Variants in FHIT observed in about 807,000 individuals in gnomAD.
FHIT encodes fragile histidine triad diadenosine triphosphatase.
Under a neutral mutation model 17.9 loss-of-function variants are expected in FHIT, and 19 were observed. The ratio of observed to expected loss-of-function variants is 1.06; its 90% CI spans 0.74 to 1.56. FHIT has a LOEUF of 1.56. FHIT is among the 40% of genes most tolerant of loss of function. The pLI is 0.00. For synonymous variants in FHIT, 81 were observed against 69.7 expected, an observed-to-expected ratio of 1.16 and a Z score of -0.81; for missense variants, 248 against 189.2, an observed-to-expected ratio of 1.31 and a Z score of -1.82.
intron 5 of FHIT, among the ~76,000 whole-genome samples, chr3:60,414,304 C>G (rs943648423): frequency 6.6e-6 from 1 of 152,164 alleles, no homozygotes; most frequent in African/African-American, 2.4e-5. Flanking sequence ...TGTCACCGAA[C>G]TAGGAAGCAC....
At position 60,967,691 on chromosome 3, in the gene FHIT, G is replaced by GTTTTTTGATTTATGAAA. The variant is rs1709813365; in HGVS notation, c.-111+74355_-111+74356insTTTCATAAATCAAAAAA. 5.3e-5 allele frequency among the ~76,000 whole-genome samples: 8 copies of GTTTTTTGATTTATGAAA among 152,220 alleles called. 1 individual carries two copies. The highest frequency in any genetic ancestry group is 1.9e-4 in the African/African-American group (8 of 41,538). The stretch of plus-strand genomic sequence containing the variant: ...AAAAAAGAGCAGATATGAAAAACAA[G>GTTTTTTGATTTATGAAA]ATCAATAAAATAGTTTCACTGTTTA... On this transcript the variant is annotated intron_variant, in intron 3 of 9. Coordinates refer to ENST00000492590, the MANE Select transcript of FHIT (RefSeq NM_002012.4).
At chr3:60,112,422 A>G (rs764433386) in intron 5 of FHIT, among the ~76,000 whole-genome samples, 1 of 152,196 alleles carries the variant, frequency 6.6e-6, no homozygotes, top group Non-Finnish European at 1.5e-5. Context: ...AAGCCTGATC[A>G]TAGCGCTGCC....
intron 5 of FHIT, among the ~76,000 whole-genome samples, chr3:60,484,572 G>C (rs984496041): frequency 6.6e-6 from 1 of 152,126 alleles, no homozygotes; most frequent in Admixed American, 6.5e-5. Context: ...AATGGGGAAA[G>C]GATTTCTTAT....
chr3:59,853,415 T>A (rs1312566509), intron 8 of FHIT, among the ~76,000 whole-genome samples: 3 of 152,232 alleles, frequency 2.0e-5, no homozygotes, highest in Non-Finnish European at 4.4e-5. Flanking sequence ...ATCATTGAGG[T>A]ACATCTTGTT....
At chr3:60,068,900 T>C (rs950951584) in intron 5 of FHIT, among the ~76,000 whole-genome samples, 1 of 152,156 alleles carries the variant, frequency 6.6e-6, no homozygotes, top group Non-Finnish European at 1.5e-5. Flanking sequence ...ACATAAAACA[T>C]ATGTACAAGG....
intron 5 of FHIT, among the ~76,000 whole-genome samples, chr3:60,402,849 C>T (rs1166637932): frequency 2.0e-5 from 3 of 152,186 alleles, no homozygotes; most frequent in Non-Finnish European, 4.4e-5. Context: ...GCTCAATCCA[C>T]ATTTACTGAA....
chr3:59,783,482 G>A (rs999729733), intron 8 of FHIT, among the ~76,000 whole-genome samples: 7 of 152,020 alleles, frequency 4.6e-5, no homozygotes, highest in Admixed American at 1.3e-4. Context: ...AAAACAAAAC[G>A]AAACAAAACA....
chr3:60,884,269 T>C (rs1705111967), intron 3 of FHIT, among the ~76,000 whole-genome samples: 1 of 152,172 alleles, frequency 6.6e-6, no homozygotes. Flanking sequence ...ATAGTGGGAA[T>C]ATAAATTAGT....
intron 4 of FHIT, among the ~76,000 whole-genome samples, chr3:60,807,701 C>T (rs188721723): frequency 6.6e-6 from 1 of 152,320 alleles, no homozygotes; most frequent in Admixed American, 6.5e-5. Flanking sequence ...GATCGATTGT[C>T]ACCACCCTGT....
At chr3:61,208,159 A>C (rs1311869177) in intron 1 of FHIT, among the ~76,000 whole-genome samples, 2 of 152,008 alleles carry the variant, frequency 1.3e-5, no homozygotes, top group Admixed American at 6.6e-5. Context: ...TTCTAGTTTG[A>C]TTGCACTGTG....
At chr3:59,893,653 A>G (rs147328862) in intron 8 of FHIT, among the ~76,000 whole-genome samples, 13 of 152,328 alleles carry the variant, frequency 8.5e-5, no homozygotes, top group Non-Finnish European at 1.8e-4. Context: ...GCTGGACAAT[A>G]CCATTTCCAC....
chr3:59,876,742 C>T (rs1223214799), intron 8 of FHIT, among the ~76,000 whole-genome samples: 2 of 152,226 alleles, frequency 1.3e-5, no homozygotes, highest in African/African-American at 2.4e-5. Flanking sequence ...TCAGACACTG[C>T]TGGTTGTCTA....
rs144791187 is a variant in FHIT, at chr3:60,765,646, A to G, written c.-18+56273T>C. On this transcript the variant is annotated intron_variant, in intron 4 of 9. Transcript: ENST00000492590. ...GTGTGATGCTTAATATTAGGTGTCG[A>G]CTAGATTGGATTGAAGGATGCCTAG... 442 of 152,324 alleles carry G rather than the reference A, an allele frequency of 2.9e-3. 3 individuals are homozygous for G. The highest frequency in any genetic ancestry group is 6.8e-3 in the Middle Eastern group (2 of 294). 9.4% of individuals were successfully genotyped at this position (152,324 alleles called of 1,614,324 possible).
At chr3:60,178,607 A>C (rs529441785) in intron 5 of FHIT, among the ~76,000 whole-genome samples, 2 of 152,050 alleles carry the variant, frequency 1.3e-5, no homozygotes, top group East Asian at 3.9e-4. Flanking sequence ...GGAGGGAGAA[A>C]GAAAAAGCAC....
At chr3:60,526,295 G>A (rs1186796396) in intron 5 of FHIT, among the ~76,000 whole-genome samples, 3 of 152,034 alleles carry the variant, frequency 2.0e-5, no homozygotes, top group Admixed American at 6.6e-5. Context: ...TCTCGCCCCC[G>A]TTTGTTTCTG....
intron 5 of FHIT, among the ~76,000 whole-genome samples, chr3:60,162,011 CA>C (rs2107368491): frequency 6.6e-6 from 1 of 152,186 alleles, no homozygotes; most frequent in African/African-American, 2.4e-5. Flanking sequence ...TTTTCAACAG[CA>C]AAGCCACAGT....
At chr3:61,117,639 A>G (rs893219432) in intron 2 of FHIT, among the ~76,000 whole-genome samples, 5 of 152,182 alleles carry the variant, frequency 3.3e-5, no homozygotes, top group African/African-American at 1.2e-4. Flanking sequence ...ACTGATTGCT[A>G]ATTTTTATCT....
intron 5 of FHIT, among the ~76,000 whole-genome samples, chr3:60,488,831 G>A (rs974126743): frequency 6.6e-6 from 1 of 152,054 alleles, no homozygotes; most frequent in Non-Finnish European, 1.5e-5. Context: ...ACAGCCAGAA[G>A]GAAAATCAAG....
chr3:60,759,741 A>G (rs999739244), intron 4 of FHIT, among the ~76,000 whole-genome samples: 1 of 152,202 alleles, frequency 6.6e-6, no homozygotes, highest in Non-Finnish European at 1.5e-5. Context: ...AGAAAAATGG[A>G]TTTGGCAACC....
Sources: allele counts gnomAD v4.1 joint callset (sites outside exome capture counted in the v4.1 genomes callset), GRCh38; gene constraint gnomAD v4.1.1; transcripts MANE v1.5; gene names NCBI Gene and HGNC (gene_info 2026-07-23, HGNC 2026-07-21).